Variants in MLIP observed in about 807,000 individuals in gnomAD.
MLIP encodes the protein muscular LMNA interacting protein.
MLIP carries 79 observed loss-of-function variants against 84.8 expected under a neutral mutation model. The observed-to-expected ratio is 0.93, with a 90% confidence interval of 0.78 to 1.12. The LOEUF (loss-of-function observed/expected upper bound fraction) is 1.12, where lower values mean the gene tolerates loss of function less well. Among genes scored for constraint, MLIP ranks in the 50% most tolerant of loss-of-function variants. MLIP has a pLI of 0.00. For missense variants in MLIP, 1,257 were observed against 1,160.6 expected (o/e 1.08, Z -1.21); for synonymous variants, 504 against 463.0 (o/e 1.09, Z -1.14).
chr6:54,155,646 A>G (rs1391624824), intron 5 of MLIP, among the ~76,000 whole-genome samples: 1 of 152,118 alleles, frequency 6.6e-6, no homozygotes, highest in Non-Finnish European at 1.5e-5. Flanking sequence ...TTGCAGTTTC[A>G]TCAGGGACAC....
chr6:54,217,170 T>G (rs1361946637), intron 11 of MLIP: 1 of 985,274 alleles, frequency 1.0e-6, no homozygotes, highest in African/African-American at 1.7e-5. Flanking sequence ...CAAAGGTGTC[T>G]TGTACTCAGA....
At chr6:54,213,666 C>T (rs1779618350) in intron 11 of MLIP, among the ~76,000 whole-genome samples, 1 of 125,044 alleles carries the variant, frequency 8.0e-6, no homozygotes, top group South Asian at 2.7e-4. Context: ...TGCATCACTG[C>T]CACTTCACTA....
chr6:54,187,499 A>G (rs1433835592), intron 9 of MLIP, among the ~76,000 whole-genome samples: 1 of 152,188 alleles, frequency 6.6e-6, no homozygotes, highest in Non-Finnish European at 1.5e-5. Flanking sequence ...TAAGCTTTGA[A>G]AAAGAACCAA....
At chr6:54,044,114 T>C (rs886701198) in intron 1 of MLIP, among the ~76,000 whole-genome samples, 10 of 152,362 alleles carry the variant, frequency 6.6e-5, no homozygotes, top group African/African-American at 2.4e-4. Context: ...TATCATTTTG[T>C]TGCTGGTGCA....
intron 1 of MLIP, among the ~76,000 whole-genome samples, chr6:54,042,751 C>T (rs1454447598): frequency 2.0e-5 from 3 of 152,144 alleles, no homozygotes; most frequent in Admixed American, 6.6e-5. Context: ...TCAGTTTCCA[C>T]ATGTGTAAAT....
intron 11 of MLIP, among the ~76,000 whole-genome samples, chr6:54,214,686 A>C (rs1311202003): frequency 6.6e-6 from 1 of 152,198 alleles, no homozygotes; most frequent in Non-Finnish European, 1.5e-5. Flanking sequence ...TGAAACCCAA[A>C]CTCTACTTTT....
intron 1 of MLIP, among the ~76,000 whole-genome samples, chr6:54,120,336 G>A (rs1401793281): frequency 6.6e-6 from 1 of 151,952 alleles, no homozygotes; most frequent in Non-Finnish European, 1.5e-5. Context: ...CTGGGTTCAC[G>A]CCATTCTCCT....
chr6:54,144,872 G>A (rs1173275621), intron 4 of MLIP, among the ~76,000 whole-genome samples: 1 of 152,156 alleles, frequency 6.6e-6, no homozygotes, highest in Non-Finnish European at 1.5e-5. Flanking sequence ...TGACTTTAGT[G>A]GAAAATATTT....
intron 12 of MLIP, among the ~76,000 whole-genome samples, chr6:54,253,139 C>T (rs973776812): frequency 3.3e-5 from 5 of 152,124 alleles, no homozygotes; most frequent in African/African-American, 1.2e-4. Flanking sequence ...CTATGACTTC[C>T]AATGGCATCT....
At chr6:54,208,612 GA>G (rs1377439263) in intron 11 of MLIP, among the ~76,000 whole-genome samples, 3 of 151,774 alleles carry the variant, frequency 2.0e-5, no homozygotes, top group Non-Finnish European at 2.9e-5. Context: ...TGTTTGTAAG[GA>G]AAAAAAGATG....
chr6:54,100,517 A>T (rs1768564413), intron 1 of MLIP, among the ~76,000 whole-genome samples: 1 of 152,004 alleles, frequency 6.6e-6, no homozygotes, highest in Admixed American at 6.6e-5. Context: ...AATACTAGTC[A>T]TTTCTGTCCT....
At position 54,213,734 on chromosome 6, in the gene MLIP, A is replaced by AAACAAAAAAC. The variant is rs1779651682; in HGVS notation, c.2718+11506_2718+11507insAAAACAACAA. On this transcript the variant is annotated intron_variant, in intron 11 of 13. Transcript: ENST00000502396. The stretch of plus-strand genomic sequence containing the variant: ...AAAAAAAAAAAAAAAAAAAAAAAAA[A>AAACAAAAAAC]AACAACAAACAGCATATCTTGTATG... Among the ~76,000 whole-genome samples the AAACAAAAAAC allele has an allele frequency of 1.9e-4, 16 of 82,364 alleles. 3 individuals carry two copies. The highest frequency in any genetic ancestry group is 2.4e-4 in the Non-Finnish European group (10 of 42,148). 54.0% of individuals were successfully genotyped at this position (82,364 alleles called of 152,430 possible).
At position 54,058,482 on chromosome 6, in the gene MLIP, A is replaced by G. The variant is rs73741420; in HGVS notation, c.63+39391A>G. Among the ~76,000 whole-genome samples the G allele has an allele frequency of 7.5e-3, 1,143 of 152,322 alleles. 14 individuals are homozygous for G. Among genetic ancestry groups the G allele is most frequent in the African/African-American group, 0.025 (1,056 of 41,574 alleles). On this transcript the variant is annotated intron_variant, in intron 1 of 12. Coordinates refer to the MLIP transcript ENST00000274897. ...AAAGGGTAGCCTTTATCTAACCAGC[A>G]CTGATGTGCTCTATGGCCTTATGGC...
At chr6:54,125,211 G>T (rs1017263726) in intron 3 of MLIP, among the ~76,000 whole-genome samples, 1 of 152,124 alleles carries the variant, frequency 6.6e-6, no homozygotes, top group Non-Finnish European at 1.5e-5. Flanking sequence ...TGCTTGGTGA[G>T]CTGGGTCCAT....
At chr6:54,188,031 A>G (rs1366243903) in intron 9 of MLIP, among the ~76,000 whole-genome samples, 1 of 152,190 alleles carries the variant, frequency 6.6e-6, no homozygotes, top group Non-Finnish European at 1.5e-5. Flanking sequence ...ATATACATTA[A>G]CCTAGTTGGT....
At chr6:54,023,459 G>A (rs953327565) in intron 1 of MLIP, among the ~76,000 whole-genome samples, 8 of 151,904 alleles carry the variant, frequency 5.3e-5, no homozygotes, top group African/African-American at 1.7e-4. Flanking sequence ...TTTTGAATTT[G>A]AGAGCGAAAG....
intron 5 of MLIP, among the ~76,000 whole-genome samples, 160 bp from the exon 6 acceptor site, chr6:54,160,207 C>A (rs1774472847): frequency 6.6e-6 from 1 of 151,904 alleles, no homozygotes; most frequent in African/African-American, 2.4e-5. Flanking sequence ...AACTTAAGAC[C>A]TAAAAGAAAA....
rs540208457 is a variant in MLIP at position 54,128,280 on chromosome 6, G to A, written c.645+3415G>A. Among the ~76,000 whole-genome samples, 6 of 152,212 alleles carry A rather than the reference G, an allele frequency of 3.9e-5. No homozygotes were observed. The South Asian group carries it at 1.2e-3, about 32-fold the overall frequency. The stretch of plus-strand genomic sequence containing the variant: ...AATCCTGGACATAGGAGAGAGAAGG[G>A]AGACTGGAGATATTCGTCATATAAA... On this transcript the variant is annotated intron_variant, in intron 3 of 13. Transcript: ENST00000502396.
At chr6:54,217,706 C>A in intron 11 of MLIP, 1 of 984,964 alleles carries the variant, frequency 1.0e-6, no homozygotes, top group Non-Finnish European at 1.2e-6. Context: ...GAGGACAATT[C>A]TCAAGTGACT....
Sources: allele counts gnomAD v4.1 joint callset (sites outside exome capture counted in the v4.1 genomes callset), GRCh38; gene constraint gnomAD v4.1.1; transcripts MANE v1.5; gene names NCBI Gene and HGNC (gene_info 2026-07-23, HGNC 2026-07-21).